Variants in IMPG1 observed in about 807,000 individuals in gnomAD.
IMPG1 encodes interphotoreceptor matrix proteoglycan 1, also known as interphotoreceptor matrix proteoglycan of 150 kDa.
IMPG1 carries 85 observed loss-of-function variants against 92.0 expected under a neutral mutation model. The ratio of observed to expected loss-of-function variants is 0.92; its 90% CI spans 0.78 to 1.11. The LOEUF (loss-of-function observed/expected upper bound fraction) is 1.11, where lower values mean the gene tolerates loss of function less well. Ranked by LOEUF, IMPG1 falls within the 50% of genes least tolerant of loss-of-function variation. IMPG1 has a pLI of 0.00. For synonymous variants in IMPG1, 367 were observed against 334.1 expected (o/e 1.10, Z -1.08); for missense variants, 1,022 against 956.0 (o/e 1.07, Z -0.91).
intron 2 of IMPG1, among the ~76,000 whole-genome samples, chr6:76,041,621 T>C (rs1051782262): frequency 6.6e-6 from 1 of 152,104 alleles, no homozygotes; most frequent in Admixed American, 6.6e-5. Flanking sequence ...AATAAAGGGG[T>C]AAAATCTGGA....
rs140827081 is a variant in IMPG1 at position 76,021,778 on chromosome 6, CATATATAT to C, written c.666+330_666+337del. On this transcript the variant is annotated intron_variant, in intron 6 of 16. Coordinates refer to ENST00000369950, the MANE Select transcript of IMPG1 (RefSeq NM_001563.4). Reference sequence around the variant, plus strand: ...TTCATTCATTCTAACACTTGGAGAGCATATATATATATATATATATATATGGTTTTGTT... The same window carrying C: ...TTCATTCATTCTAACACTTGGAGAGCATATATATATATATATGGTTTTGTT... 1.4e-3 allele frequency among the ~76,000 whole-genome samples: 68 copies of C among 49,490 alleles called. 4 individuals are homozygous for C. Among genetic ancestry groups the C allele is most frequent in the Admixed American group, 2.5e-3 (9 of 3,610 alleles). 32.5% of individuals were successfully genotyped at this position (49,490 alleles called of 152,430 possible).
At chr6:75,925,318 T>C (rs1172678226) in intron 15 of IMPG1, among the ~76,000 whole-genome samples, 1 of 152,184 alleles carries the variant, frequency 6.6e-6, no homozygotes, top group East Asian at 1.9e-4. Context: ...TGATAGTGTA[T>C]ATGCATTTTG....
intron 15 of IMPG1, among the ~76,000 whole-genome samples, chr6:75,927,710 C>T (rs929891125): frequency 3.3e-5 from 5 of 151,772 alleles, no homozygotes; most frequent in Non-Finnish European, 7.4e-5. Flanking sequence ...AGAAATTAAG[C>T]ATCTTTCCCT....
At chr6:75,927,257 T>C (rs1316002836) in intron 15 of IMPG1, among the ~76,000 whole-genome samples, 1 of 152,110 alleles carries the variant, frequency 6.6e-6, no homozygotes, top group Non-Finnish European at 1.5e-5. Context: ...ATTAGATAGA[T>C]GAGAAATTTG....
At position 76,005,458 on chromosome 6, in the gene IMPG1, G is replaced by A. The variant is rs140525637; in HGVS notation, c.964C>T (p.Leu322Phe). 1.9e-5 allele frequency: 30 copies of A among 1,613,960 alleles called. No homozygotes were observed. The African/African-American group carries it at 2.7e-4, about 14-fold the overall frequency. ...ATTTTGTTGGAATCAAAAGACAGGA[G>A]GTCACTTGCAGGGCTTTTTGCTTCT... ...SAEAKSPASD[L>F]LSFDSNKIES... The change falls in exon 10 of 17, where the codon CTC becomes TTC. Residue 322 changes from leucine to phenylalanine, a missense_variant. Coordinates refer to ENST00000369950, the MANE Select transcript of IMPG1 (RefSeq NM_001563.4).
intron 16 of IMPG1, 100 bp from the exon 17 acceptor site, chr6:75,922,266 T>A (rs1284283028): frequency 1.7e-6 from 1 of 603,764 alleles, no homozygotes; most frequent in African/African-American, 1.9e-5. Flanking sequence ...GAGGATGTGC[T>A]TGCCATTTAT....
At chr6:76,003,751 A>G (rs1783041316) in intron 11 of IMPG1, 123 bp downstream of exon 11, 2 of 690,034 alleles carry the variant, frequency 2.9e-6, no homozygotes, top group Non-Finnish European at 4.9e-6. Flanking sequence ...AAAAAACAGA[A>G]AAGAATTTAA....
Position 76,072,606 on chromosome 6 carries a change from C to A in IMPG1, c.-118G>T, listed in dbSNP as rs41269333. On this transcript the variant is annotated 5_prime_UTR_variant, in exon 1 of 17. Transcript: ENST00000369950. ...ATTGATACCAGATGATTGAGGATAA[C>A]CTTCTTGGTTTACCTTTATGAGGGT... The A allele has an allele frequency of 0.011, 6,490 of 610,082 alleles. 47 individuals are homozygous for A. Among genetic ancestry groups the A allele is most frequent in the Non-Finnish European group, 0.013 (4,560 of 354,650 alleles). The allele number at this position is 610,082 out of a possible 1,614,324, so 37.8% of individuals were successfully genotyped here. A position where few individuals can be genotyped will look rare whatever the true frequency, so the allele number is the denominator to read the frequency against.
intron 14 of IMPG1, among the ~76,000 whole-genome samples, chr6:75,938,539 G>A (rs1781785184): frequency 6.6e-6 from 1 of 152,226 alleles, no homozygotes; most frequent in African/African-American, 2.4e-5. Context: ...TGGGCCAGAT[G>A]TGGTGGCTCA....
chr6:75,975,549 A>G (rs1782519677), intron 12 of IMPG1, among the ~76,000 whole-genome samples: 1 of 152,238 alleles, frequency 6.6e-6, no homozygotes, highest in African/African-American at 2.4e-5. Context: ...ACAAACTATA[A>G]AAAGCTAATG....
In IMPG1 at chr6:75,981,145, A is replaced by C. The variant is rs371077004; in HGVS notation, c.1291+21773T>G. On this transcript the variant is annotated intron_variant, in intron 12 of 16. Transcript: ENST00000369950. ...TTTCTTCTGCCCTCAAGCCTCTTAC[A>C]TCCTAATGATCCACAGGTGTCTTTT... 1.6e-4 allele frequency among the ~76,000 whole-genome samples: 25 copies of C among 152,328 alleles called. No individual in the cohort carries two copies. In the South Asian group the frequency reaches 5.0e-3, roughly 30 times the overall value.
In IMPG1 at chr6:75,951,872, G is replaced by A. The variant is rs111524168; in HGVS notation, c.1292-778C>T. Among the ~76,000 whole-genome samples the A allele has an allele frequency of 7.5e-3, 1,139 of 152,202 alleles. 11 individuals carry two copies. Among genetic ancestry groups the A allele is most frequent in the African/African-American group, 0.026 (1,087 of 41,510 alleles). ...CCCAAGAATCTCTTGAACTTGGGAG[G>A]CAGAGATAGCAGTGAGCCGAGATCA... On this transcript the variant is annotated intron_variant, in intron 12 of 16. Transcript: ENST00000369950.
At chr6:76,056,134 C>G (rs901679677) in intron 1 of IMPG1, among the ~76,000 whole-genome samples, 1 of 151,866 alleles carries the variant, frequency 6.6e-6, no homozygotes, top group Non-Finnish European at 1.5e-5. Context: ...CAATGTATGA[C>G]CCAGTTTGAT....
rs78971278 is a variant in IMPG1 at position 76,021,751 on chromosome 6, G to C, written c.666+365C>G. Among the ~76,000 whole-genome samples the C allele has an allele frequency of 1.6e-3, 154 of 97,590 alleles. 2 individuals carry two copies. Among genetic ancestry groups the C allele is most frequent in the East Asian group, 0.015 (46 of 3,002 alleles). The allele number at this position is 97,590 out of a possible 152,430, so 64.0% of individuals were successfully genotyped here. ...GAAAGAGCTTCATGATTGATTGATT[G>C]ATTCATTCATTCTAACACTTGGAGA... On this transcript the variant is annotated intron_variant, in intron 6 of 16. Transcript: ENST00000369950.
intron 12 of IMPG1, among the ~76,000 whole-genome samples, chr6:75,956,167 G>A (rs979131523): frequency 6.6e-5 from 10 of 152,176 alleles, no homozygotes; most frequent in Admixed American, 5.9e-4. Flanking sequence ...GTTTCAGAAG[G>A]AATGGTACCA....
intron 4 of IMPG1, among the ~76,000 whole-genome samples, chr6:76,030,861 G>T (rs1409197824): frequency 3.9e-5 from 6 of 152,112 alleles, no homozygotes; most frequent in Non-Finnish European, 8.8e-5. Context: ...AAGTGGGGAG[G>T]GGGTCCCTGG....
rs111435158 is a variant in IMPG1 at position 76,018,229 on chromosome 6, C to T, written c.807+489G>A. 1.5e-3 allele frequency among the ~76,000 whole-genome samples: 224 copies of T among 152,134 alleles called. 1 individual carries two copies. The highest frequency in any genetic ancestry group is 5.2e-3 in the African/African-American group (215 of 41,476). On this transcript the variant is annotated intron_variant, in intron 7 of 16. Transcript: ENST00000369950. ...AGTTTAATTTATAAATTAGGCACAG[C>T]AAAGGATTTACAACAATAACTAATA... is the stretch of plus-strand genomic sequence containing the variant.
intron 8 of IMPG1, among the ~76,000 whole-genome samples, chr6:76,007,766 CT>C (rs1167267030): frequency 1.9e-4 from 29 of 152,094 alleles, no homozygotes; most frequent in Admixed American, 1.9e-3. Flanking sequence ...ATTATCTGCA[CT>C]TTTGGTCTTC....
chr6:76,022,153 A>G lies in IMPG1; in HGVS notation c.629T>C (p.Leu210Pro), dbSNP rs772576780. Reference sequence around the variant, plus strand: ...CTTGGTGTCGTTGAGTGTATTATCGAGAATTTCATTGAGGAGGGTGTCATC... The same window carrying G: ...CTTGGTGTCGTTGAGTGTATTATCGGGAATTTCATTGAGGAGGGTGTCATC... Reference protein sequence around the residue: ...TPDDTLLNEILDNTLNDTKMP... With the variant: ...TPDDTLLNEIPDNTLNDTKMP... The change falls in exon 6 of 17, where the codon CTC becomes CCC. Residue 210 changes from leucine (L) to proline (P), a missense_variant. This residue lies in a region of IMPG1 where 681 missense variants were observed against 583.6 expected (regional missense o/e 1.17). Transcript: ENST00000369950. The G allele has an allele frequency of 1.3e-6, 2 of 1,598,036 alleles. No homozygotes were observed. The highest frequency in any genetic ancestry group is 2.2e-5 in the South Asian group (2 of 90,802).
Sources: allele counts gnomAD v4.1 joint callset (sites outside exome capture counted in the v4.1 genomes callset), GRCh38; gene constraint gnomAD v4.1.1; regional missense constraint gnomAD v4.1.1; transcripts MANE v1.5; gene names NCBI Gene and HGNC (gene_info 2026-07-23, HGNC 2026-07-21).